The following LIPC variants were observed in gnomAD, a reference collection of about 807,000 sequenced individuals.
The protein encoded by LIPC is hepatic triacylglycerol lipase.
In LIPC, 44 loss-of-function variants were observed where a neutral mutation model predicts 50.7. That is an observed-to-expected ratio of 0.87 (90% CI 0.68 to 1.11). LIPC has a LOEUF of 1.11. Ranked by LOEUF, LIPC falls within the 50% of genes most tolerant of loss-of-function variation. The probability of loss-of-function intolerance (pLI) is 0.00; values close to 1 mark genes in which losing one functional copy is unlikely to be tolerated. For synonymous variants in LIPC, 271 were observed against 256.4 expected, an observed-to-expected ratio of 1.06 and a Z score of -0.54; for missense variants, 697 against 648.2, an observed-to-expected ratio of 1.08 and a Z score of -0.82.
At chr15:58,453,452 C>T (rs2140681525) in intron 1 of LIPC, among the ~76,000 whole-genome samples, 1 of 152,306 alleles carries the variant, frequency 6.6e-6, no homozygotes, top group South Asian at 2.1e-4. Context: ...AAGAAGAGAA[C>T]TAAATTATTC....
chr15:58,479,240 T>C (rs1209236525), intron 1 of LIPC, among the ~76,000 whole-genome samples: 2 of 152,154 alleles, frequency 1.3e-5, no homozygotes, highest in African/African-American at 4.8e-5. Context: ...ATAATCAGCC[T>C]GAAAATAATC....
intron 4 of LIPC, among the ~76,000 whole-genome samples, chr15:58,544,832 G>A (rs1264616784): frequency 2.6e-5 from 4 of 152,172 alleles, no homozygotes; most frequent in African/African-American, 9.7e-5. Context: ...CTCCAGAGAA[G>A]GCAGAGGAAG....
intron 1 of LIPC, among the ~76,000 whole-genome samples, chr15:58,472,108 A>T (rs966881633): frequency 5.3e-5 from 8 of 151,758 alleles, no homozygotes; most frequent in Admixed American, 3.9e-4. Context: ...CATCTCTACG[A>T]AAAATACAAA....
intron 1 of LIPC, chr15:58,436,060 C>T (rs1239933465): frequency 6.6e-6 from 1 of 152,138 alleles, no homozygotes; most frequent in Non-Finnish European, 1.5e-5. Context: ...TATTATTTAT[C>T]CTTTCATAAA....
intron 1 of LIPC, among the ~76,000 whole-genome samples, chr15:58,466,075 C>G (rs1258491429): frequency 6.6e-6 from 1 of 152,180 alleles, no homozygotes; most frequent in African/African-American, 2.4e-5. Flanking sequence ...ACTAAACTCA[C>G]TTGTGATTTC....
At chr15:58,554,554 C>CT (rs60984824) in intron 6 of LIPC, among the ~76,000 whole-genome samples, 1 of 145,772 alleles carries the variant, frequency 6.9e-6, no homozygotes. Flanking sequence ...TCTTTTCTTC[C>CT]TTTTTTTTTT....
intron 1 of LIPC, among the ~76,000 whole-genome samples, chr15:58,496,577 T>C (rs1891771839): frequency 6.6e-6 from 1 of 152,044 alleles, no homozygotes; most frequent in Non-Finnish European, 1.5e-5. Context: ...AATCAAGACC[T>C]CTGTTCATAA....
At chr15:58,439,689 G>C (rs1331018435) in intron 1 of LIPC, among the ~76,000 whole-genome samples, 2 of 152,128 alleles carry the variant, frequency 1.3e-5, no homozygotes, top group African/African-American at 4.8e-5. Flanking sequence ...TGATCTGCCC[G>C]CCTCAGCCTC....
intron 1 of LIPC, among the ~76,000 whole-genome samples, chr15:58,458,410 C>G (rs1894215109): frequency 6.6e-6 from 1 of 152,174 alleles, no homozygotes; most frequent in African/African-American, 2.4e-5. Context: ...GCAGGTTTTT[C>G]TTAAACAGGA....
At chr15:58,520,701 T>C (rs1397004783) in intron 1 of LIPC, among the ~76,000 whole-genome samples, 2 of 152,156 alleles carry the variant, frequency 1.3e-5, no homozygotes, top group African/African-American at 4.8e-5. Flanking sequence ...ATCTGCCCCT[T>C]CTAGAGATTA....
At chr15:58,482,534 G>T (rs955165093) in intron 1 of LIPC, among the ~76,000 whole-genome samples, 1 of 152,114 alleles carries the variant, frequency 6.6e-6, no homozygotes, top group African/African-American at 2.4e-5. Flanking sequence ...CTGGCTCTTA[G>T]GTTGTTATAA....
At position 58,569,518 on chromosome 15, in the gene LIPC, G is replaced by A. The variant is rs1595965976; in HGVS notation, c.*691G>A. The A allele has an allele frequency of 6.6e-6, 1 of 152,154 alleles. No individual in the cohort carries two copies. The highest frequency in any genetic ancestry group is 2.1e-4 in the South Asian group (1 of 4,826). 9.4% of individuals were successfully genotyped at this position (152,154 alleles called of 1,614,324 possible). A position where few individuals can be genotyped will look rare whatever the true frequency, so the allele number is the denominator to read the frequency against. On this transcript the variant is annotated 3_prime_UTR_variant, in exon 9 of 9. Coordinates refer to ENST00000299022, the MANE Select transcript of LIPC (RefSeq NM_000236.3). ...AAAGCTAATTTTAAAAACTTGGAAT[G>A]TCTCAAAGCATTTGCTATGGACTGA...
chr15:58,527,338 TGA>T (rs2140885246), intron 1 of LIPC, among the ~76,000 whole-genome samples: 1 of 152,252 alleles, frequency 6.6e-6, no homozygotes, highest in South Asian at 2.1e-4. Flanking sequence ...TCAAAGAAGA[TGA>T]GAGTCACCAA....
chr15:58,506,542 C>T (rs1233451648), intron 1 of LIPC, among the ~76,000 whole-genome samples: 1 of 152,230 alleles, frequency 6.6e-6, no homozygotes, highest in Non-Finnish European at 1.5e-5. Context: ...CCCCTGTTAA[C>T]TCCACTCACA....
rs748271141 is a variant in LIPC at position 58,568,772 on chromosome 15, A to T, written c.1445A>T (p.Lys482Ile). Reference protein sequence around the residue: ...DDLLLRPTQEKIFVKCEIKSK... With the variant: ...DDLLLRPTQEIIFVKCEIKSK... ...CTACTACTTCGCCCAACCCAGGAAAAAATCTTCGTGAAATGTGAAATAAAG... is the reference window on the plus strand; with the variant it reads ...CTACTACTTCGCCCAACCCAGGAAATAATCTTCGTGAAATGTGAAATAAAG... The change falls in exon 9 of 9, where the codon AAA becomes ATA. Residue 482 changes from lysine (K) to isoleucine (I), a missense_variant. Physicochemically the swap from Lys to Ile is moderately radical, Grantham distance 102 (BLOSUM62 -3). Transcript: ENST00000299022. The T allele has an allele frequency of 1.5e-5, 24 of 1,612,188 alleles. No individual in the cohort carries two copies. Among genetic ancestry groups the T allele is most frequent in the South Asian group, 3.3e-5 (3 of 90,928 alleles).
chr15:58,442,367 T>C (rs1438066612), intron 1 of LIPC, among the ~76,000 whole-genome samples: 2 of 152,182 alleles, frequency 1.3e-5, no homozygotes, highest in Non-Finnish European at 1.5e-5. Flanking sequence ...ATTCAAAGAT[T>C]CCCAGACACC....
Position 58,495,407 on chromosome 15 carries a change from C to CT in LIPC, c.89-42923dup, listed in dbSNP as rs532756402. Among the ~76,000 whole-genome samples the CT allele has an allele frequency of 1.4e-4, 22 of 152,370 alleles. No homozygotes were observed. In the East Asian group the frequency reaches 4.1e-3, roughly 28 times the overall value. ...GAATCTGTTTCTCTCCCTGTGGGCTCTTTCCTTCTGAGCACTGGCAGGACT... is the reference window on the plus strand; with the variant it reads ...GAATCTGTTTCTCTCCCTGTGGGCTCTTTTCCTTCTGAGCACTGGCAGGACT... On this transcript the variant is annotated intron_variant, in intron 1 of 8. Coordinates refer to ENST00000299022, the MANE Select transcript of LIPC (RefSeq NM_000236.3).
chr15:58,521,240 T>C (rs982114796), intron 1 of LIPC: 1 of 152,156 alleles, frequency 6.6e-6, no homozygotes, highest in Non-Finnish European at 1.5e-5. Flanking sequence ...AAATGAATTA[T>C]CCTGTTAAAT....
At chr15:58,508,662 TG>T (rs1357187577) in intron 1 of LIPC, among the ~76,000 whole-genome samples, 1 of 152,182 alleles carries the variant, frequency 6.6e-6, no homozygotes, top group African/African-American at 2.4e-5. Context: ...AACTCTATGC[TG>T]GGGGCTGAGG....
Sources: allele counts gnomAD v4.1 joint callset (sites outside exome capture counted in the v4.1 genomes callset), GRCh38; gene constraint gnomAD v4.1.1; transcripts MANE v1.5; gene names NCBI Gene and HGNC (gene_info 2026-07-23, HGNC 2026-07-21).